ST6GALNAC3: variants seen among roughly 807,000 people sequenced by gnomAD.
The protein encoded by ST6GALNAC3 is alpha-N-acetylgalactosaminide alpha-2,6-sialyltransferase 3.
A neutral mutation model predicts 32.7 loss-of-function variants in ST6GALNAC3; 25 were observed. The observed-to-expected ratio is 0.76, with a 90% confidence interval of 0.56 to 1.07. ST6GALNAC3 has a LOEUF of 1.07. ST6GALNAC3 is among the 50% of genes least tolerant of loss of function. The pLI is 0.00. For synonymous variants in ST6GALNAC3, 129 were observed against 133.1 expected (o/e 0.97, Z 0.21); for missense variants, 355 against 382.4 (o/e 0.93, Z 0.60).
intron 3 of ST6GALNAC3, among the ~76,000 whole-genome samples, chr1:76,570,866 T>C (rs1665819386): frequency 6.6e-6 from 1 of 152,018 alleles, no homozygotes; most frequent in East Asian, 1.9e-4. Flanking sequence ...AATGATTTCA[T>C]ACAGGCCCAT....
chr1:76,150,438 T>A (rs1195029211), intron 1 of ST6GALNAC3, among the ~76,000 whole-genome samples: 1 of 152,262 alleles, frequency 6.6e-6, no homozygotes, highest in Non-Finnish European at 1.5e-5. Context: ...GGTTTCATTA[T>A]GTCTCCCTCT....
chr1:76,459,543 G>A (rs928477080), intron 3 of ST6GALNAC3, among the ~76,000 whole-genome samples: 5 of 148,898 alleles, frequency 3.4e-5, no homozygotes, highest in African/African-American at 7.5e-5. Flanking sequence ...CAGCCTGGGC[G>A]ACAGAGCAAG....
chr1:76,163,642 TA>T (rs1269194786), intron 1 of ST6GALNAC3, among the ~76,000 whole-genome samples: 2 of 152,246 alleles, frequency 1.3e-5, no homozygotes, highest in African/African-American at 2.4e-5. Context: ...TAATTGGCAG[TA>T]TTTTTTTTCT....
chr1:76,338,455 C>T (rs1449825794), intron 2 of ST6GALNAC3, among the ~76,000 whole-genome samples: 1 of 152,174 alleles, frequency 6.6e-6, no homozygotes, highest in Non-Finnish European at 1.5e-5. Context: ...GATTCCTGGA[C>T]ACTTGATCCT....
intron 2 of ST6GALNAC3, among the ~76,000 whole-genome samples, chr1:76,364,002 A>T (rs966539929): frequency 6.6e-6 from 1 of 152,182 alleles, no homozygotes; most frequent in Non-Finnish European, 1.5e-5. Flanking sequence ...CATGAGATTT[A>T]TTGGAAATAC....
At chr1:76,594,056 G>A (rs1647090893) in intron 3 of ST6GALNAC3, among the ~76,000 whole-genome samples, 1 of 152,006 alleles carries the variant, frequency 6.6e-6, no homozygotes, top group South Asian at 2.1e-4. Context: ...TGGAGCCCCT[G>A]GACTGGCTTT....
Position 76,239,515 on chromosome 1 carries a change from G to A in ST6GALNAC3, c.19-74290G>A, listed in dbSNP as rs1176869478. 5.3e-5 allele frequency among the ~76,000 whole-genome samples: 8 copies of A among 152,228 alleles called. No homozygotes were observed. In the South Asian group the frequency reaches 1.7e-3, roughly 32 times the overall value. ...ATTTTACTCATGGCAGAAGGCAAAG[G>A]GGGAGCAGGTGTGTCACATGGTGAG... On this transcript the variant is annotated intron_variant, in intron 1 of 4. Transcript: ENST00000328299.
intron 3 of ST6GALNAC3, among the ~76,000 whole-genome samples, chr1:76,546,002 G>C (rs942756816): frequency 1.3e-5 from 2 of 152,170 alleles, no homozygotes; most frequent in Admixed American, 1.3e-4. Context: ...TGAACAATGA[G>C]CATCCCAGGT....
chr1:76,432,899 G>C (rs1031278196), intron 3 of ST6GALNAC3, among the ~76,000 whole-genome samples: 2 of 152,146 alleles, frequency 1.3e-5, no homozygotes, highest in Non-Finnish European at 2.9e-5. Flanking sequence ...AAAGGAATTT[G>C]GCAGTCCCCA....
intron 3 of ST6GALNAC3, among the ~76,000 whole-genome samples, chr1:76,547,920 T>G (rs916848996): frequency 2.6e-5 from 4 of 152,012 alleles, no homozygotes; most frequent in African/African-American, 9.7e-5. Context: ...AGAGGTAATT[T>G]CTTGTTTTAT....
At chr1:76,424,407 C>T (rs1655235188) in intron 3 of ST6GALNAC3, among the ~76,000 whole-genome samples, 2 of 151,754 alleles carry the variant, frequency 1.3e-5, no homozygotes. Context: ...CAGGTGGATT[C>T]TTGGTGGGCA....
At chr1:76,078,173 C>A (rs1646842770) in intron 1 of ST6GALNAC3, among the ~76,000 whole-genome samples, 1 of 152,170 alleles carries the variant, frequency 6.6e-6, no homozygotes, top group Non-Finnish European at 1.5e-5. Flanking sequence ...CAACTTTGTT[C>A]TGTGGGCTAA....
chr1:76,330,363 G>T (rs1007169632), intron 2 of ST6GALNAC3, among the ~76,000 whole-genome samples: 11 of 151,968 alleles, frequency 7.2e-5, no homozygotes, highest in African/African-American at 2.7e-4. Context: ...ATGTTGGTGA[G>T]GCTGGTGTCA....
intron 3 of ST6GALNAC3, among the ~76,000 whole-genome samples, chr1:76,433,811 C>A (rs1211640457): frequency 6.6e-5 from 10 of 152,110 alleles, no homozygotes; most frequent in African/African-American, 2.4e-5. Context: ...GCACTGACTG[C>A]CTTATGAAAT....
rs1305334151 is a variant in ST6GALNAC3, at chr1:76,305,055, G to A, written c.19-8750G>A. Among the ~76,000 whole-genome samples the A allele has an allele frequency of 3.3e-5, 5 of 152,146 alleles. No homozygotes were observed. In the Middle Eastern group the frequency reaches 0.01, roughly 311 times the overall value. On this transcript the variant is annotated intron_variant, in intron 1 of 4. Transcript: ENST00000328299. ...CCTCCCTTTCCTCAACAGAATGCCC[G>A]GCGCACAGGGGTGGGATCTGAGTGA... is the stretch of plus-strand genomic sequence containing the variant.
intron 3 of ST6GALNAC3, among the ~76,000 whole-genome samples, chr1:76,547,903 A>G (rs1416570128): frequency 6.6e-6 from 1 of 151,514 alleles, no homozygotes; most frequent in Admixed American, 6.6e-5. Context: ...ATCCAAGTAG[A>G]TAAGTTAGAG....
At chr1:76,573,827 T>C (rs111590133) in intron 3 of ST6GALNAC3, among the ~76,000 whole-genome samples, 5 of 151,904 alleles carry the variant, frequency 3.3e-5, no homozygotes, top group African/African-American at 1.2e-4. Flanking sequence ...TTCTAGGAAG[T>C]AATGAATGGT....
At chr1:76,442,952 A>G (rs1656721393) in intron 3 of ST6GALNAC3, among the ~76,000 whole-genome samples, 1 of 152,166 alleles carries the variant, frequency 6.6e-6, no homozygotes, top group Non-Finnish European at 1.5e-5. Context: ...TGTGTTTAAA[A>G]TCTTTACTTT....
intron 2 of ST6GALNAC3, among the ~76,000 whole-genome samples, chr1:76,320,575 A>G (rs1281764663): frequency 6.6e-6 from 1 of 152,048 alleles, no homozygotes; most frequent in African/African-American, 2.4e-5. Flanking sequence ...ACTTCCAGAG[A>G]AGGAAGTCAG....
Sources: allele counts gnomAD v4.1 joint callset (sites outside exome capture counted in the v4.1 genomes callset), GRCh38; gene constraint gnomAD v4.1.1; transcripts MANE v1.5; gene names NCBI Gene and HGNC (gene_info 2026-07-23, HGNC 2026-07-21).